Variants in CHN1 observed in about 807,000 individuals in gnomAD.
CHN1 encodes chimerin 1.
CHN1 carries 37 observed loss-of-function variants against 59.5 expected under a neutral mutation model. That is an observed-to-expected ratio of 0.62 (90% CI 0.48 to 0.82). The LOEUF (loss-of-function observed/expected upper bound fraction) is 0.82. CHN1 is among the 40% of genes least tolerant of loss of function. The probability of loss-of-function intolerance (pLI) is 0.00; values close to 1 mark genes in which losing one functional copy is unlikely to be tolerated. For synonymous variants in CHN1, 206 were observed against 200.4 expected, an observed-to-expected ratio of 1.03 and a Z score of -0.24; for missense variants, 469 against 571.0, an observed-to-expected ratio of 0.82 and a Z score of 1.82.
At chr2:174,840,358 G>T (rs543407901) in intron 7 of CHN1, among the ~76,000 whole-genome samples, 1 of 151,798 alleles carries the variant, frequency 6.6e-6, no homozygotes, top group Admixed American at 6.6e-5. Context: ...TAAAGACAAG[G>T]TCTCTCTATG....
In CHN1 at chr2:174,960,679, A is replaced by G. The variant is rs186055557; in HGVS notation, c.20-8477T>C. Among the ~76,000 whole-genome samples, 21 of 152,158 alleles carry G rather than the reference A, an allele frequency of 1.4e-4. No homozygotes were observed. In the East Asian group the frequency reaches 4.1e-3, roughly 30 times the overall value. ...TCTACTAAAAATACAAAAATCAGCC[A>G]GGCGTGGTGGTGCACACCTGTAGTC... On this transcript the variant is annotated intron_variant, in intron 1 of 12. Coordinates refer to ENST00000409900, the MANE Select transcript of CHN1 (RefSeq NM_001822.7).
At chr2:174,852,809 T>C (rs979819939) in intron 6 of CHN1, among the ~76,000 whole-genome samples, 2 of 152,102 alleles carry the variant, frequency 1.3e-5, no homozygotes, top group African/African-American at 4.8e-5. Flanking sequence ...TCGACAAGGC[T>C]GACAAAAATA....
intron 7 of CHN1, among the ~76,000 whole-genome samples, chr2:174,830,574 C>G (rs941228428): frequency 2.0e-5 from 3 of 152,178 alleles, no homozygotes; most frequent in Admixed American, 6.5e-5. Context: ...GCTGGCCATT[C>G]CTAGTCTTCT....
intron 1 of CHN1, among the ~76,000 whole-genome samples, chr2:174,982,417 G>C (rs552307149): frequency 8.1e-4 from 124 of 152,330 alleles, no homozygotes; most frequent in Non-Finnish European, 1.3e-3. Flanking sequence ...CCCACCAACA[G>C]TGTAAAAGTG....
intron 5 of CHN1, among the ~76,000 whole-genome samples, chr2:174,880,574 A>T (rs1042055224): frequency 3.3e-5 from 5 of 152,050 alleles, no homozygotes; most frequent in African/African-American, 4.8e-5. Context: ...TCAAAGAAAG[A>T]CTCTTTCCTT....
chr2:174,968,500 G>C (rs1269091124), intron 1 of CHN1, among the ~76,000 whole-genome samples: 2 of 152,224 alleles, frequency 1.3e-5, no homozygotes, highest in African/African-American at 4.8e-5. Context: ...TAAAATGCTT[G>C]GCATCTTTTA....
chr2:174,846,482 C>A (rs1686520870), intron 7 of CHN1: 2 of 1,458,446 alleles, frequency 1.4e-6, no homozygotes, highest in Admixed American at 2.8e-5. Context: ...TGCAACAGCA[C>A]ATGCCTCTTA....
chr2:174,924,941 T>C (rs1001469400), intron 3 of CHN1, among the ~76,000 whole-genome samples: 1 of 152,244 alleles, frequency 6.6e-6, no homozygotes, highest in African/African-American at 2.4e-5. Context: ...TTGAATTACA[T>C]GCTTTGCTTT....
intron 1 of CHN1, among the ~76,000 whole-genome samples, chr2:174,960,907 A>G (rs1378144764): frequency 6.6e-6 from 1 of 151,668 alleles, no homozygotes; most frequent in African/African-American, 2.4e-5. Flanking sequence ...CAGGAGGATC[A>G]CTTGAGTACA....
intron 7 of CHN1, among the ~76,000 whole-genome samples, chr2:174,828,018 T>C (rs1301270129): frequency 6.6e-6 from 1 of 152,028 alleles, no homozygotes; most frequent in Non-Finnish European, 1.5e-5. Context: ...AGCAATTAGC[T>C]CTGAATACAA....
At chr2:174,934,325 T>C (rs566840482) in intron 3 of CHN1, among the ~76,000 whole-genome samples, 2 of 152,332 alleles carry the variant, frequency 1.3e-5, no homozygotes, top group South Asian at 4.1e-4. Context: ...CCTAGATCCC[T>C]TGCATGGGCA....
chr2:174,835,155 C>T (rs1021236176), intron 7 of CHN1, among the ~76,000 whole-genome samples: 2 of 152,134 alleles, frequency 1.3e-5, no homozygotes, highest in Non-Finnish European at 2.9e-5. Flanking sequence ...GTAATCCAAT[C>T]CTAAATCCAG....
At chr2:174,858,424 A>C (rs1686970248) in intron 6 of CHN1, among the ~76,000 whole-genome samples, 1 of 152,162 alleles carries the variant, frequency 6.6e-6, no homozygotes, top group Non-Finnish European at 1.5e-5. Context: ...CTGAAGACAA[A>C]AGATTTAACG....
In CHN1 at chr2:174,980,788, T is replaced by C. The variant is rs188185543; in HGVS notation, c.19+24106A>G. Among the ~76,000 whole-genome samples the C allele has an allele frequency of 2.0e-5, 3 of 152,304 alleles. No homozygotes were observed. The East Asian group carries it at 5.8e-4, about 29-fold the overall frequency. On this transcript the variant is annotated intron_variant, in intron 1 of 12. Transcript: ENST00000409900. ...AATCTAAACTATGATATTCTGTATG[T>C]TAGAAATACCTGAGGAAAAACTACA...
chr2:174,841,409 T>G (rs1686296660), intron 7 of CHN1, among the ~76,000 whole-genome samples: 1 of 152,174 alleles, frequency 6.6e-6, no homozygotes, highest in Non-Finnish European at 1.5e-5. Context: ...GCATCAGATA[T>G]GTACTATAAT....
intron 5 of CHN1, among the ~76,000 whole-genome samples, chr2:174,880,281 T>C (rs1687693258): frequency 6.6e-6 from 1 of 152,242 alleles, no homozygotes; most frequent in Non-Finnish European, 1.5e-5. Flanking sequence ...TTTGGAATTA[T>C]GATTGATCTT....
intron 6 of CHN1, chr2:174,847,273 G>A: frequency 7.3e-7 from 1 of 1,377,068 alleles, no homozygotes; most frequent in Non-Finnish European, 9.3e-7. Context: ...GAGAGGTGGA[G>A]GAGGAGGATG....
At position 175,004,893 on chromosome 2, in the gene CHN1, C is replaced by G; in HGVS notation, c.19+1G>C. On this transcript the variant is annotated splice_donor_variant, in intron 1 of 12. Transcript: ENST00000409900. LOFTEE classifies it high-confidence loss of function. ...CGGCGCGGGGAGACGGCTGCACTTA[C>G]CAAACAGGGTCAGGGCCATTGTAAA... is the stretch of plus-strand genomic sequence containing the variant. 1 of 1,513,494 alleles carries G rather than the reference C, an allele frequency of 6.6e-7. No individual in the cohort carries two copies. The highest frequency in any genetic ancestry group is 8.8e-7 in the Non-Finnish European group (1 of 1,133,266). The allele number at this position is 1,513,494 out of a possible 1,614,324, so 93.8% of individuals were successfully genotyped here. A position where few individuals can be genotyped will look rare whatever the true frequency, so the allele number is the denominator to read the frequency against.
intron 5 of CHN1, among the ~76,000 whole-genome samples, chr2:174,878,654 T>C (rs779974470): frequency 3.9e-5 from 6 of 152,254 alleles, no homozygotes; most frequent in Admixed American, 1.3e-4. Context: ...ACCTGAGCCA[T>C]GCAGGGCAGG....
Sources: allele counts gnomAD v4.1 joint callset (sites outside exome capture counted in the v4.1 genomes callset), GRCh38; gene constraint gnomAD v4.1.1; transcripts MANE v1.5; gene names NCBI Gene and HGNC (gene_info 2026-07-23, HGNC 2026-07-21).